STS: variants seen among roughly 807,000 people sequenced by gnomAD.
STS encodes steroid sulfatase, also known as steryl-sulfatase.
Under a neutral mutation model 26.8 loss-of-function variants are expected in STS, and 7 were observed. That is an observed-to-expected ratio of 0.26 (90% CI 0.15 to 0.49). The LOEUF (loss-of-function observed/expected upper bound fraction) is 0.49. Among genes scored for constraint, STS ranks in the 20% least tolerant of loss-of-function variants. STS has a pLI of 0.98. For missense variants in STS, 434 were observed against 465.6 expected (o/e 0.93, Z 0.63); for synonymous variants, 199 against 189.4 (o/e 1.05, Z -0.42).
chrX:7,317,447 A>C (rs1417041520), intron 8 of STS, among the ~76,000 whole-genome samples: 1 of 109,439 alleles, frequency 9.1e-6, no homozygotes, highest in African/African-American at 3.4e-5. Flanking sequence ...CTGTGGGCAT[A>C]TCTTTTGGTT....
At chrX:7,334,553 G>A (rs1266524902) in intron 10 of STS, among the ~76,000 whole-genome samples, 1 of 111,747 alleles carries the variant, frequency 8.9e-6, no homozygotes, top group African/African-American at 3.3e-5. Flanking sequence ...CCTTCTTGGA[G>A]GGTACTCCTC....
chrX:7,231,709 C>T (rs764159751), intron 2 of STS, among the ~76,000 whole-genome samples: 5 of 111,428 alleles, frequency 4.5e-5, no homozygotes, highest in Non-Finnish European at 9.4e-5. Flanking sequence ...CTCTTCAGCA[C>T]ACAGCACAAG....
chrX:7,246,364 C>T (rs1348490237), intron 2 of STS, among the ~76,000 whole-genome samples: 1 of 108,986 alleles, frequency 9.2e-6, no homozygotes, highest in Non-Finnish European at 1.9e-5. Context: ...TGCAGTGGCG[C>T]GATCTCGGCT....
At chrX:7,204,867 C>G (rs750247715) in intron 2 of STS, among the ~76,000 whole-genome samples, 2 of 107,678 alleles carry the variant, frequency 1.9e-5, no homozygotes, top group South Asian at 8.4e-4. Flanking sequence ...GCTTGCCTCC[C>G]TTTTTTTCCT....
intron 2 of STS, chrX:7,219,535 G>C: frequency 1.7e-6 from 2 of 1,187,974 alleles, no homozygotes; most frequent in Non-Finnish European, 1.1e-6. Flanking sequence ...GGATTGGCCT[G>C]CTTCAAAGCA....
chrX:7,245,620 G>C (rs1569199874), intron 2 of STS, among the ~76,000 whole-genome samples: 1 of 112,309 alleles, frequency 8.9e-6, no homozygotes, highest in Non-Finnish European at 1.9e-5. Context: ...ATATAGCCAG[G>C]AGGCATTTAG....
At chrX:7,210,038 G>A (rs761378512) in intron 2 of STS, among the ~76,000 whole-genome samples, 6 of 111,401 alleles carry the variant, frequency 5.4e-5, no homozygotes, top group Non-Finnish European at 1.1e-4. Flanking sequence ...TGGGCATTTG[G>A]GTTGGTTCCA....
chrX:7,349,374 C>T (rs1406492644), intron 10 of STS, among the ~76,000 whole-genome samples: 12 of 68,277 alleles, frequency 1.8e-4, no homozygotes, highest in African/African-American at 6.1e-4. Context: ...CTCATTCTGT[C>T]GCCCAGGCTG....
At chrX:7,309,141 A>G (rs764350322) in intron 8 of STS, among the ~76,000 whole-genome samples, 51 of 111,566 alleles carry the variant, frequency 4.6e-4, no homozygotes, top group Non-Finnish European at 7.1e-4. Context: ...GGTGAAATCT[A>G]TGGGCTTCAT....
intron 2 of STS, among the ~76,000 whole-genome samples, chrX:7,203,187 A>G (rs1327325465): frequency 8.9e-6 from 1 of 112,260 alleles, no homozygotes; most frequent in Non-Finnish European, 1.9e-5. Flanking sequence ...ACAAGTTCTT[A>G]GGCCTTTGGC....
chrX:7,259,276 T>G, intron 5 of STS, 73 bp from the exon 6 acceptor site: 1 of 1,018,446 alleles, frequency 9.8e-7, no homozygotes, highest in Non-Finnish European at 1.4e-6. Context: ...CTTTTCAGCA[T>G]GTAGGAACAG....
At chrX:7,332,348 C>T (rs1371635998) in intron 9 of STS, among the ~76,000 whole-genome samples, 1 of 105,930 alleles carries the variant, frequency 9.4e-6, no homozygotes, top group Non-Finnish European at 1.9e-5. Flanking sequence ...AAAAAAAAAT[C>T]GAAAAATACT....
intron 1 of STS, among the ~76,000 whole-genome samples, chrX:7,175,382 T>C (rs764062349): frequency 3.6e-5 from 4 of 110,114 alleles, no homozygotes; most frequent in African/African-American, 1.3e-4. Flanking sequence ...TAGTTCTACT[T>C]ACTTGGGAGG....
intron 1 of STS, among the ~76,000 whole-genome samples, chrX:7,174,663 C>A (rs1933531210): frequency 9.0e-6 from 1 of 111,638 alleles, no homozygotes; most frequent in Non-Finnish European, 1.9e-5. Flanking sequence ...CCTCTTTTTG[C>A]GTTCTTCAGC....
chrX:7,272,217 C>CATATATATATATATAT lies in STS; in HGVS notation c.807-3731_807-3716dup, dbSNP rs372911748. Among the ~76,000 whole-genome samples the CATATATATATATATAT allele has an allele frequency of 6.6e-3, 622 of 94,001 alleles. 4 individuals are homozygous for CATATATATATATATAT. Among genetic ancestry groups the CATATATATATATATAT allele is most frequent in the African/African-American group, 0.013 (328 of 25,136 alleles). 81.6% of individuals were successfully genotyped at this position (94,001 alleles called of 115,157 possible). ...CATAGAAGAAAAATTAATTTAATTA[C>CATATATATATATATAT]ATATATATATATATATATGTAGTCT... On this transcript the variant is annotated intron_variant, in intron 6 of 10. Coordinates refer to ENST00000674429, the MANE Select transcript of STS (RefSeq NM_001320752.2).
intron 2 of STS, among the ~76,000 whole-genome samples, chrX:7,239,797 T>C (rs1213003815): frequency 9.0e-6 from 1 of 111,157 alleles, no homozygotes; most frequent in African/African-American, 3.3e-5. Flanking sequence ...AATACCTTCT[T>C]GTAAGCCAGG....
intron 1 of STS, among the ~76,000 whole-genome samples, chrX:7,187,842 T>A (rs1243834207): frequency 1.8e-5 from 2 of 111,550 alleles, no homozygotes; most frequent in Non-Finnish European, 3.8e-5. Flanking sequence ...CAAACCCCAA[T>A]GGCATTCTTA....
chrX:7,161,243 A>G (rs1313434535), intron 1 of STS, among the ~76,000 whole-genome samples: 1 of 111,221 alleles, frequency 9.0e-6, no homozygotes, highest in Non-Finnish European at 1.9e-5. Context: ...TTGGGATTAC[A>G]TGCATGAGCC....
intron 10 of STS, among the ~76,000 whole-genome samples, chrX:7,346,862 G>C (rs1218315229): frequency 1.8e-5 from 2 of 111,125 alleles, no homozygotes; most frequent in African/African-American, 6.6e-5. Flanking sequence ...GAGCCCAGGA[G>C]TTCGAGACCA....
Sources: gnomAD v4.1 joint callset for allele counts (sites outside exome capture counted in the v4.1 genomes callset) on GRCh38, gnomAD v4.1.1 for gene constraint, MANE v1.5 for transcripts, NCBI Gene and HGNC (gene_info 2026-07-23, HGNC 2026-07-21) for gene names.